PLK4: variants seen among roughly 807,000 people sequenced by gnomAD.
PLK4 encodes the protein serine/threonine-protein kinase PLK4.
In PLK4, 51 loss-of-function variants were observed where a neutral mutation model predicts 103.0. That is an observed-to-expected ratio of 0.50 (90% CI 0.40 to 0.63). The LOEUF is 0.63. Among genes scored for constraint, PLK4 ranks in the 20% least tolerant of loss-of-function variants. The pLI is 0.00. For missense variants in PLK4, 1,054 were observed against 1,151.0 expected, an observed-to-expected ratio of 0.92 and a Z score of 1.22; for synonymous variants, 389 against 376.8, an observed-to-expected ratio of 1.03 and a Z score of -0.38.
chr4:127,892,302 T>C (rs1735389827), intron 9 of PLK4, 63 bp from the exon 10 acceptor site: 2 of 1,066,956 alleles, frequency 1.9e-6, no homozygotes, highest in Non-Finnish European at 2.7e-6. Context: ...TCACAATAAA[T>C]AGATAAAACT....
In PLK4 at chr4:127,890,111, G is replaced by A; in HGVS notation, c.1705G>A (p.Glu569Lys). The change falls in exon 7 of 16, where the codon GAA (glutamate) becomes AAA (lysine). Residue 569 changes from glutamate (E) to lysine (K), a missense_variant. Physicochemically the swap from Glu to Lys is moderately conservative, Grantham distance 56 (BLOSUM62 1). Transcript: ENST00000270861. ...TGTTTTTGGCTCAGATCCTCTTTCT[G>A]AACAGAGCAAGACTAGGGGTATGGA... ...ECVFGSDPLS[E>K]QSKTRGMEPP... The A allele has an allele frequency of 6.2e-7, 1 of 1,614,068 alleles. No individual in the cohort carries two copies. Among genetic ancestry groups the A allele is most frequent in the Non-Finnish European group, 8.5e-7 (1 of 1,179,948 alleles).
At chr4:127,896,940 C>T (rs750466805) in intron 15 of PLK4, 33 bp downstream of exon 15, 5 of 1,104,428 alleles carry the variant, frequency 4.5e-6, no homozygotes, top group South Asian at 1.3e-5. Context: ...GAGATTCAGC[C>T]CTTTGCTATA....
Position 127,893,496 on chromosome 4 carries a change from CTCT to C in PLK4, c.2323-12_2323-10del. 1.2e-6 allele frequency: 2 copies of C among 1,603,358 alleles called. No individual in the cohort carries two copies. Among genetic ancestry groups the C allele is most frequent in the Non-Finnish European group, 1.7e-6 (2 of 1,174,518 alleles). ...CATAGGTGAAACAATGACAGAAGCA[CTCT>C]TCTTTTGAAATAGGGTCATCGTATT... is the stretch of plus-strand genomic sequence containing the variant. On this transcript the variant is annotated splice_polypyrimidine_tract_variant and intron_variant, in intron 11 of 15. Coordinates refer to ENST00000270861, the MANE Select transcript of PLK4 (RefSeq NM_014264.5).
chr4:127,886,831 T>TAAA, intron 5 of PLK4, 103 bp downstream of exon 5: 5 of 500,304 alleles, frequency 1.0e-5, no homozygotes, highest in South Asian at 3.1e-5. Context: ...AATGAATGTC[T>TAAA]AAAAAAAAAA....
chr4:127,895,815 G>GT, intron 14 of PLK4, among the ~76,000 whole-genome samples: 1 of 152,272 alleles, frequency 6.6e-6, no homozygotes, highest in Admixed American at 6.5e-5. Flanking sequence ...TATAGTCCCA[G>GT]TTACTCAAGA....
In PLK4 at chr4:127,893,613, C is replaced by T; in HGVS notation, c.2414+9C>T. On this transcript the variant is annotated intron_variant, in intron 12 of 15. Coordinates refer to ENST00000270861, the MANE Select transcript of PLK4 (RefSeq NM_014264.5). ...CCAATAATCATAGGAAGGTAAATGTCTGAAAATTTTAAACATATGGCTAAA... is the reference window on the plus strand; with the variant it reads ...CCAATAATCATAGGAAGGTAAATGTTTGAAAATTTTAAACATATGGCTAAA... 4 of 1,598,546 alleles carry T rather than the reference C, an allele frequency of 2.5e-6. No homozygotes were observed. The highest frequency in any genetic ancestry group is 3.4e-6 in the Non-Finnish European group (4 of 1,171,456).
intron 7 of PLK4, 34 bp from the exon 8 acceptor site, chr4:127,891,058 A>G: frequency 8.3e-7 from 1 of 1,202,394 alleles, no homozygotes; most frequent in Non-Finnish European, 1.2e-6. Context: ...AAACAAAAGA[A>G]TTATTACTGA....
At chr4:127,883,071 T>G (rs901107308) in intron 2 of PLK4, among the ~76,000 whole-genome samples, 191 bp from the exon 3 acceptor site, 2 of 152,206 alleles carry the variant, frequency 1.3e-5, no homozygotes, top group Admixed American at 6.5e-5. Context: ...AATTAATTGG[T>G]CAAACTTTTA....
In PLK4 at chr4:127,883,474, T is replaced by A; in HGVS notation, c.258T>A (p.Tyr86Ter). 6.6e-7 allele frequency: 1 copy of A among 1,526,308 alleles called. No homozygotes were observed. Among genetic ancestry groups the A allele is most frequent in the Non-Finnish European group, 9.1e-7 (1 of 1,100,888 alleles). The allele number at this position is 1,526,308 out of a possible 1,614,324, so 94.5% of individuals were successfully genotyped here. A position where few individuals can be genotyped will look rare whatever the true frequency, so the allele number is the denominator to read the frequency against. ...ATTTTGAAGATAGCAATTATGTGTA[T>A]CTGGTATTAGAAATGTGCCATAATG... ...YNYFEDSNYVYLVLEMCHNGE... is the reference protein window; with the variant it reads ...YNYFEDSNYV Residue 86 changes from tyrosine (Y) to a stop codon, truncating the protein, a stop_gained, in exon 4 of 16, where the codon TAT (tyrosine) becomes TAA (stop). Coordinates refer to ENST00000270861, the MANE Select transcript of PLK4 (RefSeq NM_014264.5). LOFTEE classifies it high-confidence loss of function.
In PLK4 at chr4:127,885,760, T is replaced by C. The variant is rs1481978696; in HGVS notation, c.390T>C (p.His130=). 1.2e-6 allele frequency: 2 copies of C among 1,613,250 alleles called. No homozygotes were observed. Among genetic ancestry groups the C allele is most frequent in the Admixed American group, 1.7e-5 (1 of 59,994 alleles). Reference sequence around the variant, plus strand: ...CAGGGATGTTGTATCTTCATTCTCATGGTATACTACACCGGGACCTCACAC... The same window carrying C: ...CAGGGATGTTGTATCTTCATTCTCACGGTATACTACACCGGGACCTCACAC... ...IITGMLYLHS[H]GILHRDLTLS... is the part of the protein sequence containing the mutation. Residue 130 remains histidine, a synonymous_variant, in exon 5 of 16, where the codon CAT becomes CAC. Transcript: ENST00000270861.
chr4:127,891,559 T>G lies in PLK4; in HGVS notation c.1936-20T>G, dbSNP rs1453825681. ...AACTTAATGGCATGTAATTAGAATT[T>G]TAAAAAAATCTTTTGGCAGATCACT... On this transcript the variant is annotated intron_variant, in intron 8 of 15. Transcript: ENST00000270861. 8.3e-7 allele frequency: 1 copy of G among 1,210,184 alleles called. No individual in the cohort carries two copies. Among genetic ancestry groups the G allele is most frequent in the African/African-American group, 1.5e-5 (1 of 65,880 alleles). The allele number at this position is 1,210,184 out of a possible 1,614,324, so 75.0% of individuals were successfully genotyped here. A position where few individuals can be genotyped will look rare whatever the true frequency, so the allele number is the denominator to read the frequency against.
At chr4:127,888,527 A>T (rs1735232527) in intron 6 of PLK4, among the ~76,000 whole-genome samples, 1 of 152,182 alleles carries the variant, frequency 6.6e-6, no homozygotes, top group African/African-American at 2.4e-5. Context: ...TAATGAAAAG[A>T]TGATTGACCT....
chr4:127,887,696 C>T (rs1735187394), intron 6 of PLK4, among the ~76,000 whole-genome samples, 200 bp downstream of exon 6: 1 of 151,628 alleles, frequency 6.6e-6, no homozygotes, highest in South Asian at 2.1e-4. Flanking sequence ...GGGCACATAG[C>T]AAGACCCTGT....
Position 127,889,938 on chromosome 4 carries a change from A to G in PLK4, c.1532A>G (p.Gln511Arg), listed in dbSNP as rs771169607. ...NRDFQGHPDL[Q>R]KDTSKNAWTD... ...GACTTCCAGGGCCATCCAGATTTGC[A>G]GAAGGACACATCAAAAAATGCCTGG... The change falls in exon 7 of 16, where the codon CAG becomes CGG. Residue 511 changes from glutamine to arginine, a missense_variant. Transcript: ENST00000270861. The G allele has an allele frequency of 6.2e-6, 10 of 1,613,862 alleles. No homozygotes were observed.
chr4:127,882,566 C>A (rs1242431152), intron 2 of PLK4, among the ~76,000 whole-genome samples: 1 of 152,158 alleles, frequency 6.6e-6, no homozygotes, highest in Non-Finnish European at 1.5e-5. Context: ...TCAAGACCAG[C>A]CTGACCAACA....
chr4:127,890,339 G>A, intron 7 of PLK4, 103 bp downstream of exon 7: 3 of 807,530 alleles, frequency 3.7e-6, no homozygotes, highest in Non-Finnish European at 5.6e-6. Context: ...TTACTTTGGG[G>A]TGTATACATG....
At chr4:127,887,170 A>G (rs1376625000) in intron 5 of PLK4, among the ~76,000 whole-genome samples, 1 of 152,106 alleles carries the variant, frequency 6.6e-6, no homozygotes, top group African/African-American at 2.4e-5. Context: ...CTTAAATTAT[A>G]AGAGGGCAGT....
intron 15 of PLK4, 68 bp downstream of exon 15, chr4:127,896,975 A>T: frequency 2.6e-6 from 2 of 782,712 alleles, no homozygotes; most frequent in South Asian, 3.1e-5. Flanking sequence ...ATATGTTGAA[A>T]TGGATGATTT....
chr4:127,898,704 G>A lies in PLK4; in HGVS notation c.*163G>A. On this transcript the variant is annotated 3_prime_UTR_variant, in exon 16 of 16. Coordinates refer to ENST00000270861, the MANE Select transcript of PLK4 (RefSeq NM_014264.5). ...GTATTCTGAGAGAACAAAGCAGAAT[G>A]AAACTTGAGTCACTTACTAAATATA... The A allele has an allele frequency of 1.9e-6, 1 of 521,846 alleles. No homozygotes were observed. The highest frequency in any genetic ancestry group is 3.4e-6 in the Non-Finnish European group (1 of 297,536). The allele number at this position is 521,846 out of a possible 1,614,324, so 32.3% of individuals were successfully genotyped here.
Sources: gnomAD v4.1 joint callset for allele counts (sites outside exome capture counted in the v4.1 genomes callset) on GRCh38, gnomAD v4.1.1 for gene constraint, MANE v1.5 for transcripts, NCBI Gene and HGNC (gene_info 2026-07-23, HGNC 2026-07-21) for gene names.